MAST4: variants seen among roughly 807,000 people sequenced by gnomAD.
The protein encoded by MAST4 is microtubule-associated serine/threonine-protein kinase 4.
In MAST4, 89 loss-of-function variants were observed where a neutral mutation model predicts 162.7. The observed-to-expected ratio is 0.55, with a 90% confidence interval of 0.46 to 0.65. MAST4 has a LOEUF of 0.65. Among genes scored for constraint, MAST4 ranks in the 30% least tolerant of loss-of-function variants. MAST4 has a pLI of 0.00. For missense variants in MAST4, 3,153 were observed against 3,374.0 expected, an observed-to-expected ratio of 0.93 and a Z score of 1.62; for synonymous variants, 1,479 against 1,361.1, an observed-to-expected ratio of 1.09 and a Z score of -1.91.
intron 1 of MAST4, among the ~76,000 whole-genome samples, chr5:66,607,897 C>T (rs1258938003): frequency 6.6e-6 from 1 of 152,016 alleles, no homozygotes; most frequent in Non-Finnish European, 1.5e-5. Flanking sequence ...TCTGATTTGT[C>T]AATAGGCACC....
chr5:66,604,043 T>C (rs935392254), intron 1 of MAST4, among the ~76,000 whole-genome samples: 2 of 152,188 alleles, frequency 1.3e-5, no homozygotes, highest in Admixed American at 1.3e-4. Flanking sequence ...TCAGAATTCC[T>C]AGGAGGGATT....
At chr5:66,826,054 C>T (rs1371052989) in intron 3 of MAST4, among the ~76,000 whole-genome samples, 1 of 152,124 alleles carries the variant, frequency 6.6e-6, no homozygotes, top group African/African-American at 2.4e-5. Flanking sequence ...AAATATATAG[C>T]AAAGGGTAAA....
At chr5:66,892,346 C>T (rs1463966570) in intron 3 of MAST4, among the ~76,000 whole-genome samples, 1 of 152,156 alleles carries the variant, frequency 6.6e-6, no homozygotes, top group African/African-American at 2.4e-5. Flanking sequence ...TTTGAAAAGA[C>T]CTCTATTCCA....
At chr5:66,936,053 C>G (rs1742714306) in intron 4 of MAST4, among the ~76,000 whole-genome samples, 1 of 152,134 alleles carries the variant, frequency 6.6e-6, no homozygotes, top group Admixed American at 6.5e-5. Flanking sequence ...TTTAGCCTGT[C>G]CAGGGTCTCA....
intron 24 of MAST4, among the ~76,000 whole-genome samples, chr5:67,151,773 T>C (rs868754465): frequency 0.064 from 9,341 of 146,056 alleles, 740 homozygotes; most frequent in African/African-American, 0.2. Flanking sequence ...TTTTCTTTTT[T>C]TTTTTTTTTT....
chr5:66,652,016 C>G (rs1746255780), intron 1 of MAST4, among the ~76,000 whole-genome samples: 1 of 152,074 alleles, frequency 6.6e-6, no homozygotes, highest in Non-Finnish European at 1.5e-5. Flanking sequence ...GTCACTAGGT[C>G]CAGCCCACAT....
At chr5:66,821,580 G>C (rs1465304824) in intron 3 of MAST4, among the ~76,000 whole-genome samples, 2 of 152,142 alleles carry the variant, frequency 1.3e-5, no homozygotes, top group East Asian at 3.8e-4. Flanking sequence ...ATAACAGCAG[G>C]CGGTAGTATT....
intron 1 of MAST4, among the ~76,000 whole-genome samples, chr5:66,677,042 C>G (rs777446796): frequency 1.6e-4 from 24 of 152,182 alleles, no homozygotes; most frequent in Non-Finnish European, 3.1e-4. Flanking sequence ...CCTGCATGAT[C>G]ACCTTTCTCA....
chr5:67,080,015 G>C (rs1365731023), intron 5 of MAST4, among the ~76,000 whole-genome samples: 1 of 152,186 alleles, frequency 6.6e-6, no homozygotes, highest in African/African-American at 2.4e-5. Context: ...GTCTGCCTTA[G>C]AGTCGTCACA....
intron 2 of MAST4, among the ~76,000 whole-genome samples, chr5:66,782,446 A>G (rs1018768344): frequency 4.6e-5 from 7 of 152,250 alleles, no homozygotes; most frequent in African/African-American, 1.7e-4. Context: ...TCTGTTAACT[A>G]GAGGCCCTTT....
In MAST4 at chr5:67,018,574, A is replaced by C. The variant is rs941952777; in HGVS notation, c.675-35830A>C. Among the ~76,000 whole-genome samples the C allele has an allele frequency of 1.2e-4, 18 of 152,198 alleles. 1 individual carries two copies. Among genetic ancestry groups the C allele is most frequent in the Non-Finnish European group, 1.5e-5 (1 of 68,030 alleles). On this transcript the variant is annotated intron_variant, in intron 4 of 28. Transcript: ENST00000403625. ...AAAACTTGTAAGAAACCAGATAAACAGATTTGACTAGCAGGAAATTGTTAA... is the reference window on the plus strand; with the variant it reads ...AAAACTTGTAAGAAACCAGATAAACCGATTTGACTAGCAGGAAATTGTTAA...
At position 66,857,735 on chromosome 5, in the gene MAST4, C is replaced by T. The variant is rs1759792978; in HGVS notation, c.643-42216C>T. 2.6e-5 allele frequency among the ~76,000 whole-genome samples: 4 copies of T among 152,034 alleles called. No individual in the cohort carries two copies. The South Asian group carries it at 8.3e-4, about 31-fold the overall frequency. On this transcript the variant is annotated intron_variant, in intron 3 of 28. Transcript: ENST00000403625. ...TTTGTCCACTAATTTTATTATTTCC[C>T]TTTTGCTATTAATGTATCTGTTTTA...
In MAST4 at chr5:67,069,286, G is replaced by GGA. The variant is rs1360824845; in HGVS notation, c.763+14795_763+14796dup. On this transcript the variant is annotated intron_variant, in intron 5 of 28. Coordinates refer to ENST00000403625, the MANE Select transcript of MAST4 (RefSeq NM_001164664.2). The stretch of plus-strand genomic sequence containing the variant: ...TCCTTTTCTGTTAAAGGAGGAGATT[G>GGA]GATATATATATATATATATATATAT... 1.3e-3 allele frequency among the ~76,000 whole-genome samples: 27 copies of GGA among 20,226 alleles called. 1 individual carries two copies. Among genetic ancestry groups the GGA allele is most frequent in the African/African-American group, 3.5e-3 (20 of 5,680 alleles). 13.3% of individuals were successfully genotyped at this position (20,226 alleles called of 152,430 possible).
intron 3 of MAST4, among the ~76,000 whole-genome samples, chr5:66,824,535 C>T (rs1248209457): frequency 1.3e-5 from 2 of 152,240 alleles, no homozygotes; most frequent in East Asian, 3.8e-4. Flanking sequence ...ACAGCAGTTC[C>T]TCGATGAACA....
At chr5:66,868,844 T>G (rs537160535) in intron 3 of MAST4, among the ~76,000 whole-genome samples, 1 of 152,180 alleles carries the variant, frequency 6.6e-6, no homozygotes, top group South Asian at 2.1e-4. Context: ...CCTCTTTAAA[T>G]TAGTCTCCCA....
intron 3 of MAST4, 49 bp from the exon 4 acceptor site, chr5:66,899,902 C>G (rs1762901093): frequency 7.0e-7 from 1 of 1,428,742 alleles, no homozygotes; most frequent in East Asian, 2.6e-5. Flanking sequence ...TCCTAGTAAT[C>G]TAAGGTTAAT....
intron 3 of MAST4, among the ~76,000 whole-genome samples, chr5:66,877,596 G>A (rs1444649474): frequency 6.6e-6 from 1 of 152,072 alleles, no homozygotes; most frequent in East Asian, 1.9e-4. Flanking sequence ...TTCCACAGAT[G>A]GTACCACCGG....
intron 4 of MAST4, among the ~76,000 whole-genome samples, chr5:66,964,784 A>C (rs954280809): frequency 1.3e-5 from 2 of 152,192 alleles, no homozygotes; most frequent in Non-Finnish European, 2.9e-5. Context: ...GCCTGGGCGA[A>C]AGAGTGAGAC....
intron 1 of MAST4, among the ~76,000 whole-genome samples, chr5:66,624,931 C>A (rs892405601): frequency 2.0e-5 from 3 of 152,136 alleles, no homozygotes; most frequent in African/African-American, 4.8e-5. Flanking sequence ...AAAACCTTGA[C>A]CTTGGTCTTG....
Sources: allele counts gnomAD v4.1 joint callset (sites outside exome capture counted in the v4.1 genomes callset), GRCh38; gene constraint gnomAD v4.1.1; transcripts MANE v1.5; gene names NCBI Gene and HGNC (gene_info 2026-07-23, HGNC 2026-07-21).